Variants in MGAT5 observed in about 807,000 individuals in gnomAD.
MGAT5 encodes alpha-1,6-mannosylglycoprotein 6-beta-N-acetylglucosaminyltransferase A.
Under a neutral mutation model 94.3 loss-of-function variants are expected in MGAT5, and 30 were observed. That is an observed-to-expected ratio of 0.32 (90% CI 0.24 to 0.43). The LOEUF (loss-of-function observed/expected upper bound fraction) is 0.43, where lower values mean the gene tolerates loss of function less well. Among genes scored for constraint, MGAT5 ranks in the 20% least tolerant of loss-of-function variants. The pLI is 1.00. For missense variants in MGAT5, 691 were observed against 905.5 expected (o/e 0.76, Z 3.04); for synonymous variants, 310 against 322.9 (o/e 0.96, Z 0.43).
chr2:134,298,639 T>C (rs1314361879), intron 2 of MGAT5, among the ~76,000 whole-genome samples: 1 of 152,188 alleles, frequency 6.6e-6, no homozygotes, highest in Non-Finnish European at 1.5e-5. Context: ...TTCCAGATGT[T>C]GGAAGGTGTT....
intron 10 of MGAT5, among the ~76,000 whole-genome samples, chr2:134,397,760 C>G (rs978846485): frequency 2.6e-5 from 4 of 152,136 alleles, no homozygotes; most frequent in African/African-American, 9.7e-5. Context: ...GTTGAGACAA[C>G]GAGCCCAGCC....
intron 2 of MGAT5, among the ~76,000 whole-genome samples, chr2:134,288,132 G>A (rs191585558): frequency 6.6e-6 from 1 of 152,078 alleles, no homozygotes; most frequent in Non-Finnish European, 1.5e-5. Flanking sequence ...TGCTGGTTTG[G>A]CATGATTTTG....
rs1044013799 is a variant in MGAT5, at chr2:134,195,149, A to G, written c.-142-59113A>G. 2.0e-5 allele frequency among the ~76,000 whole-genome samples: 3 copies of G among 152,196 alleles called. No homozygotes were observed. In the East Asian group the frequency reaches 5.8e-4, roughly 29 times the overall value. Reference sequence around the variant, plus strand: ...CTCCAGGACTGAAACACCATTTGGAATATTCCTGTGAACAGTTTGGATTCC... The same window carrying G: ...CTCCAGGACTGAAACACCATTTGGAGTATTCCTGTGAACAGTTTGGATTCC... On this transcript the variant is annotated intron_variant, in intron 1 of 16. Coordinates refer to the MGAT5 transcript ENST00000409645.
At chr2:134,236,675 G>C (rs532445730) in intron 1 of MGAT5, among the ~76,000 whole-genome samples, 1 of 152,096 alleles carries the variant, frequency 6.6e-6, no homozygotes, top group Non-Finnish European at 1.5e-5. Flanking sequence ...ACCCAGTCTC[G>C]GGTATGTCTT....
intron 2 of MGAT5, among the ~76,000 whole-genome samples, chr2:134,307,143 T>C (rs1573755864): frequency 6.6e-6 from 1 of 152,270 alleles, no homozygotes; most frequent in South Asian, 2.1e-4. Context: ...TTCATTAATT[T>C]AATGAAAATG....
chr2:134,171,910 A>G (rs1688230195), intron 1 of MGAT5, among the ~76,000 whole-genome samples: 1 of 152,170 alleles, frequency 6.6e-6, no homozygotes, highest in Non-Finnish European at 1.5e-5. Flanking sequence ...GGGGCCATCA[A>G]AATACACTTT....
At chr2:134,290,647 A>G (rs555324394) in intron 2 of MGAT5, among the ~76,000 whole-genome samples, 10 of 152,314 alleles carry the variant, frequency 6.6e-5, no homozygotes, top group African/African-American at 2.4e-4. Flanking sequence ...CCCCCTGAAA[A>G]CAGCACTGGC....
At chr2:134,331,984 A>C (rs1688003444) in intron 4 of MGAT5, among the ~76,000 whole-genome samples, 1 of 147,624 alleles carries the variant, frequency 6.8e-6, no homozygotes, top group South Asian at 2.2e-4. Context: ...AAAAGGAAGA[A>C]TCAATATCAT....
intron 9 of MGAT5, among the ~76,000 whole-genome samples, chr2:134,351,214 T>C (rs1679360258): frequency 6.6e-6 from 1 of 152,170 alleles, no homozygotes; most frequent in Non-Finnish European, 1.5e-5. Flanking sequence ...GGGGCACAGT[T>C]CATGGAGCAA....
chr2:134,442,883 G>C (rs1414392246), intron 15 of MGAT5, among the ~76,000 whole-genome samples: 1 of 149,348 alleles, frequency 6.7e-6, no homozygotes, highest in Non-Finnish European at 1.5e-5. Flanking sequence ...ATAAGACCCT[G>C]CTGTCCCAAC....
chr2:134,217,049 T>C (rs1680531013), intron 1 of MGAT5, among the ~76,000 whole-genome samples: 1 of 152,254 alleles, frequency 6.6e-6, no homozygotes, highest in East Asian at 1.9e-4. Flanking sequence ...GGATTGTAGA[T>C]GGAGGTTGTT....
chr2:134,144,679 A>G (rs868002877), intron 1 of MGAT5, among the ~76,000 whole-genome samples: 1 of 152,192 alleles, frequency 6.6e-6, no homozygotes, highest in South Asian at 2.1e-4. Flanking sequence ...CTTAAACTGT[A>G]CTCATATTTA....
chr2:134,248,104 AG>A (rs1320550906), intron 1 of MGAT5, among the ~76,000 whole-genome samples: 1 of 152,212 alleles, frequency 6.6e-6, no homozygotes, highest in Non-Finnish European at 1.5e-5. Context: ...TGCCTCTTCA[AG>A]GGTTTTACTA....
At chr2:134,372,448 T>A (rs1680870476) in intron 10 of MGAT5, among the ~76,000 whole-genome samples, 1 of 152,206 alleles carries the variant, frequency 6.6e-6, no homozygotes, top group Non-Finnish European at 1.5e-5. Context: ...TAAAAATTTG[T>A]ATGAATTTTA....
At chr2:134,303,635 A>G (rs1686161983) in intron 2 of MGAT5, among the ~76,000 whole-genome samples, 1 of 152,142 alleles carries the variant, frequency 6.6e-6, no homozygotes. Flanking sequence ...GCTGCCCTGC[A>G]GTGAGCAGCA....
At chr2:134,289,841 G>C (rs1685238893) in intron 2 of MGAT5, among the ~76,000 whole-genome samples, 1 of 152,206 alleles carries the variant, frequency 6.6e-6, no homozygotes, top group Admixed American at 6.5e-5. Context: ...TGCCCTATAT[G>C]ACTCCGCTGG....
rs148756723 is a variant in MGAT5, at chr2:134,247,645, C to T, written c.-142-6617C>T. Reference sequence around the variant, plus strand: ...CTCTGGAACATCTCTGTGAATGAATCTTTGATGTTCTTTGGAGCACAGTTT... The same window carrying T: ...CTCTGGAACATCTCTGTGAATGAATTTTTGATGTTCTTTGGAGCACAGTTT... On this transcript the variant is annotated intron_variant, in intron 1 of 16. Coordinates refer to the MGAT5 transcript ENST00000409645. 1.1e-4 allele frequency among the ~76,000 whole-genome samples: 16 copies of T among 152,288 alleles called. 2 individuals carry two copies. Among genetic ancestry groups the T allele is most frequent in the African/African-American group, 3.8e-4 (16 of 41,572 alleles).
rs1345192388 is a variant in MGAT5, at chr2:134,428,398, G to A, written c.1828G>A (p.Glu610Lys). 34 of 1,613,954 alleles carry A rather than the reference G, an allele frequency of 2.1e-5. No homozygotes were observed. The highest frequency in any genetic ancestry group is 2.7e-5 in the Non-Finnish European group (32 of 1,180,004). Residue 610 changes from glutamate to lysine, a missense_variant, in exon 14 of 16, where the codon GAG becomes AAG. By Grantham distance (56) the Glu-to-Lys change is moderately conservative (BLOSUM62 1). Around this residue, in one of 4 missense-constraint regions of MGAT5, gnomAD observed 260 missense variants for 347.0 expected, o/e 0.75. Transcript: ENST00000281923. The part of the protein sequence containing the change: ...EPYMPYEFTC[E>K]GMLQRINAFI... ...ATACATGCCATATGAATTTACGTGC[G>A]AGGGGATGCTACAGAGAATCAATGC...
intron 1 of MGAT5, among the ~76,000 whole-genome samples, chr2:134,133,908 C>T (rs1686289610): frequency 6.6e-6 from 1 of 152,146 alleles, no homozygotes; most frequent in Admixed American, 6.5e-5. Flanking sequence ...GGTCTGAAAA[C>T]ATTTTAAGCC....
Sources: gnomAD v4.1 joint callset for allele counts (sites outside exome capture counted in the v4.1 genomes callset) on GRCh38, gnomAD v4.1.1 for gene constraint, gnomAD v4.1.1 regional missense constraint, MANE v1.5 for transcripts, NCBI Gene and HGNC (gene_info 2026-07-23, HGNC 2026-07-21) for gene names.